CDH18: variants seen among roughly 807,000 people sequenced by gnomAD.
CDH18 encodes cadherin-18.
CDH18 carries 31 observed loss-of-function variants against 67.9 expected under a neutral mutation model. The observed-to-expected ratio is 0.46, with a 90% CI of 0.34 to 0.62. CDH18 has a LOEUF of 0.62. CDH18 is among the 20% of genes least tolerant of loss of function. The pLI, the probability that CDH18 is intolerant of heterozygous loss-of-function variation, is 0.01. For missense variants in CDH18, 890 were observed against 975.5 expected (o/e 0.91, Z 1.17); for synonymous variants, 362 against 347.2 (o/e 1.04, Z -0.48).
At chr5:19,798,341 C>T (rs1033783455) in intron 3 of CDH18, among the ~76,000 whole-genome samples, 3 of 151,566 alleles carry the variant, frequency 2.0e-5, no homozygotes, top group Non-Finnish European at 4.4e-5. Context: ...AGGATGTCTC[C>T]GTATTATATT....
intron 2 of CDH18, among the ~76,000 whole-genome samples, chr5:20,241,087 T>C (rs1398773281): frequency 1.3e-5 from 2 of 152,174 alleles, no homozygotes; most frequent in African/African-American, 4.8e-5. Flanking sequence ...AAACAAAACA[T>C]TGTATTTACA....
Position 20,573,806 on chromosome 5 carries a change from A to AATATAT in CDH18, c.-580+1650_-580+1655dup, listed in dbSNP as rs60858438. ...TCCCCCAAATATAATACTTAAAAGA[A>AATATAT]ATATATATATATATATATATATATA... is the stretch of plus-strand genomic sequence containing the variant. On this transcript the variant is annotated intron_variant, in intron 1 of 14. Coordinates refer to the CDH18 transcript ENST00000507958. 7.1e-3 allele frequency among the ~76,000 whole-genome samples: 841 copies of AATATAT among 117,636 alleles called. 110 individuals are homozygous for AATATAT. The highest frequency in any genetic ancestry group is 0.024 in the East Asian group (72 of 2,946). The allele number at this position is 117,636 out of a possible 152,430, so 77.2% of individuals were successfully genotyped here.
chr5:19,729,145 G>A (rs1006586003), intron 4 of CDH18, among the ~76,000 whole-genome samples: 1 of 152,002 alleles, frequency 6.6e-6, no homozygotes, highest in African/African-American at 2.4e-5. Flanking sequence ...TCTTATTTAT[G>A]GCACTAACTA....
At chr5:20,391,301 T>G (rs1744835234) in intron 1 of CDH18, among the ~76,000 whole-genome samples, 1 of 151,684 alleles carries the variant, frequency 6.6e-6, no homozygotes, top group African/African-American at 2.4e-5. Context: ...CATGATGGGG[T>G]GGTTAGGGTC....
chr5:19,754,497 G>T (rs941130110), intron 3 of CDH18, among the ~76,000 whole-genome samples: 1 of 152,130 alleles, frequency 6.6e-6, no homozygotes, highest in Non-Finnish European at 1.5e-5. Context: ...TAACACTGGA[G>T]ATCCCAAATT....
chr5:20,315,806 G>T, intron 1 of CDH18, among the ~76,000 whole-genome samples: 1 of 152,118 alleles, frequency 6.6e-6, no homozygotes, highest in East Asian at 1.9e-4. Flanking sequence ...TTATGTGGCT[G>T]TATGGGCATG....
intron 2 of CDH18, among the ~76,000 whole-genome samples, chr5:20,022,612 C>T (rs75043988): frequency 0.036 from 5,459 of 151,580 alleles, 138 homozygotes; most frequent in East Asian, 0.088. Context: ...ATTTTATATA[C>T]GATATTATGG....
intron 10 of CDH18, among the ~76,000 whole-genome samples, chr5:19,517,167 G>A (rs347713): frequency 0.2 from 30,016 of 151,898 alleles, 3,242 homozygotes; most frequent in African/African-American, 0.25. Context: ...GGCCTGTAGC[G>A]ATATCACATT....
At chr5:20,510,978 T>C (rs746598701) in intron 1 of CDH18, among the ~76,000 whole-genome samples, 6 of 152,168 alleles carry the variant, frequency 3.9e-5, no homozygotes, top group Non-Finnish European at 8.8e-5. Flanking sequence ...ATTGGAACAA[T>C]TGGATAGCCA....
chr5:19,950,226 T>C (rs1795661467), intron 2 of CDH18, among the ~76,000 whole-genome samples: 1 of 151,984 alleles, frequency 6.6e-6, no homozygotes, highest in Non-Finnish European at 1.5e-5. Flanking sequence ...TGCAGCAACC[T>C]GGATGGAGTT....
chr5:20,516,165 T>G (rs550027191), intron 1 of CDH18, among the ~76,000 whole-genome samples: 1 of 152,006 alleles, frequency 6.6e-6, no homozygotes, highest in African/African-American at 2.4e-5. Context: ...GGTCCTATTA[T>G]AATTTGGATT....
intron 10 of CDH18, among the ~76,000 whole-genome samples, chr5:19,518,513 C>T (rs1006284887): frequency 6.7e-5 from 9 of 134,546 alleles, no homozygotes; most frequent in African/African-American, 2.9e-4. Context: ...GGGTGGGCAC[C>T]ATCTAATCAG....
At position 19,653,335 on chromosome 5, in the gene CDH18, C is replaced by T. The variant is rs535478860; in HGVS notation, c.644-40734G>A. Among the ~76,000 whole-genome samples, 4 of 151,984 alleles carry T rather than the reference C, an allele frequency of 2.6e-5. No individual in the cohort carries two copies. The East Asian group carries it at 7.8e-4, about 30-fold the overall frequency. On this transcript the variant is annotated intron_variant, in intron 5 of 12. Coordinates refer to ENST00000382275, the MANE Select transcript of CDH18 (RefSeq NM_004934.5). The stretch of plus-strand genomic sequence containing the variant: ...TCCCTAGTTAGCGGCTATTTCAGAA[C>T]CATTCAGAATAAGACCTAGAAGAAG...
intron 2 of CDH18, among the ~76,000 whole-genome samples, chr5:20,100,940 C>A (rs903278285): frequency 1.3e-5 from 2 of 151,950 alleles, no homozygotes; most frequent in African/African-American, 2.4e-5. Context: ...TATGACTATT[C>A]ATATAAATCT....
chr5:20,376,091 A>ATTGTTTTTTTTTTTTTTTTTTTTTTTTT (rs1743397011), intron 1 of CDH18, among the ~76,000 whole-genome samples: 1 of 49,748 alleles, frequency 2.0e-5, no homozygotes, highest in Non-Finnish European at 3.8e-5. Flanking sequence ...AAAAGAAACA[A>ATTGTTTTTTTTTTTTTTTTTTTTTTTTT]TTTTTTTTTT....
At chr5:19,923,335 A>G (rs1379122929) in intron 2 of CDH18, among the ~76,000 whole-genome samples, 5 of 152,182 alleles carry the variant, frequency 3.3e-5, no homozygotes, top group African/African-American at 7.2e-5. Flanking sequence ...GAGACAAGTT[A>G]TCCTCTCTGA....
At chr5:19,750,712 A>G (rs1237551327) in intron 3 of CDH18, among the ~76,000 whole-genome samples, 1 of 152,020 alleles carries the variant, frequency 6.6e-6, no homozygotes, top group East Asian at 1.9e-4. Context: ...CAGTGAAATA[A>G]GTAAAAATAT....
At chr5:19,710,445 A>G (rs1188701053) in intron 5 of CDH18, among the ~76,000 whole-genome samples, 1 of 152,126 alleles carries the variant, frequency 6.6e-6, no homozygotes, top group African/African-American at 2.4e-5. Flanking sequence ...TTTTTTAGTT[A>G]TGTACATGTA....
chr5:19,888,507 A>T (rs971394171), intron 2 of CDH18, among the ~76,000 whole-genome samples: 8 of 151,974 alleles, frequency 5.3e-5, no homozygotes, highest in Non-Finnish European at 1.0e-4. Context: ...TTAAATTTAT[A>T]AATGTATATA....
Sources: gnomAD v4.1 joint callset for allele counts (sites outside exome capture counted in the v4.1 genomes callset) on GRCh38, gnomAD v4.1.1 for gene constraint, MANE v1.5 for transcripts, NCBI Gene and HGNC (gene_info 2026-07-23, HGNC 2026-07-21) for gene names.